Variants in PTPRT observed in about 807,000 individuals in gnomAD.
The protein encoded by PTPRT is receptor-type tyrosine-protein phosphatase T.
Under a neutral mutation model 176.8 loss-of-function variants are expected in PTPRT, and 56 were observed. That is an observed-to-expected ratio of 0.32 (90% CI 0.26 to 0.40). The LOEUF (loss-of-function observed/expected upper bound fraction) is 0.40, where lower values mean the gene tolerates loss of function less well. PTPRT is among the 10% of genes least tolerant of loss of function. The pLI is 1.00. For missense variants in PTPRT, 1,540 were observed against 1,908.2 expected (o/e 0.81, Z 3.60); for synonymous variants, 783 against 739.0 (o/e 1.06, Z -0.96).
chr20:42,904,594 T>C (rs1339650410), intron 1 of PTPRT, among the ~76,000 whole-genome samples: 1 of 152,112 alleles, frequency 6.6e-6, no homozygotes, highest in Admixed American at 6.5e-5. Context: ...GGCAGGGAAG[T>C]GCTGGGAAGA....
intron 7 of PTPRT, among the ~76,000 whole-genome samples, chr20:42,634,058 AT>A (rs2074528356): frequency 2.6e-5 from 1 of 38,036 alleles, no homozygotes; most frequent in Non-Finnish European, 3.9e-5. Flanking sequence ...TATATTATAA[AT>A]ATATAATATA....
chr20:42,680,919 C>A (rs189034373), intron 6 of PTPRT, among the ~76,000 whole-genome samples: 1 of 152,204 alleles, frequency 6.6e-6, no homozygotes, highest in Non-Finnish European at 1.5e-5. Flanking sequence ...ATTAGCCTCA[C>A]GGTTATCTCT....
At chr20:42,381,119 G>A (rs2058694854) in intron 9 of PTPRT, among the ~76,000 whole-genome samples, 1 of 152,182 alleles carries the variant, frequency 6.6e-6, no homozygotes, top group African/African-American at 2.4e-5. Context: ...CTGCCCCCAT[G>A]ATCCAATCAC....
At chr20:42,363,105 G>GAAAA (rs71193658) in intron 9 of PTPRT, among the ~76,000 whole-genome samples, 51 of 46,676 alleles carry the variant, frequency 1.1e-3, no homozygotes, top group South Asian at 1.5e-3. Flanking sequence ...CTCCATTTCA[G>GAAAA]AAAAAAAAAA....
At chr20:42,781,041 T>C (rs1385029309) in intron 3 of PTPRT, among the ~76,000 whole-genome samples, 2 of 152,122 alleles carry the variant, frequency 1.3e-5, no homozygotes, top group African/African-American at 4.8e-5. Context: ...CTTCTGGAAA[T>C]TGGAAATTCC....
the PTPRT span, among the ~76,000 whole-genome samples, chr20:42,040,080 T>C: frequency 4.6e-5 from 7 of 152,274 alleles, no homozygotes; most frequent in East Asian, 7.7e-4. Context: ...CCCTTTTTTT[T>C]CCCCACAGTC....
chr20:42,473,975 T>C (rs180750148), intron 7 of PTPRT, among the ~76,000 whole-genome samples: 17 of 152,274 alleles, frequency 1.1e-4, no homozygotes, highest in African/African-American at 4.1e-4. Flanking sequence ...TGTAAAATGA[T>C]GATAATAATA....
At chr20:42,161,087 G>C (rs777092908) in intron 17 of PTPRT, among the ~76,000 whole-genome samples, 15 of 152,058 alleles carry the variant, frequency 9.9e-5, no homozygotes, top group Non-Finnish European at 2.1e-4. Flanking sequence ...GAAGGGGAGA[G>C]AAACAAGAGT....
chr20:42,890,293 T>G (rs2079170989), intron 1 of PTPRT, among the ~76,000 whole-genome samples: 2 of 152,176 alleles, frequency 1.3e-5, no homozygotes, highest in African/African-American at 4.8e-5. Flanking sequence ...GCAACTTTTA[T>G]GAGTTTTCTG....
chr20:42,808,276 T>A (rs1466192937), intron 2 of PTPRT, among the ~76,000 whole-genome samples: 1 of 152,170 alleles, frequency 6.6e-6, no homozygotes, highest in African/African-American at 2.4e-5. Flanking sequence ...AACACTCATC[T>A]CCATCTCTGA....
At chr20:43,021,479 G>T (rs1985678109) in intron 1 of PTPRT, among the ~76,000 whole-genome samples, 1 of 152,226 alleles carries the variant, frequency 6.6e-6, no homozygotes, top group African/African-American at 2.4e-5. Context: ...CGTGAACTCA[G>T]TTGGATGGGG....
intron 11 of PTPRT, among the ~76,000 whole-genome samples, chr20:42,319,402 T>C (rs2145392218): frequency 6.6e-6 from 1 of 152,054 alleles, no homozygotes; most frequent in East Asian, 1.9e-4. Flanking sequence ...TTACAAAGAA[T>C]AGCAAAGGGT....
At chr20:42,723,503 G>A (rs1360422072) in intron 6 of PTPRT, among the ~76,000 whole-genome samples, 1 of 152,118 alleles carries the variant, frequency 6.6e-6, no homozygotes, top group East Asian at 1.9e-4. Context: ...GTAGCAATGC[G>A]GGCACCTGCC....
intron 1 of PTPRT, among the ~76,000 whole-genome samples, chr20:43,155,018 T>C (rs1568816640): frequency 6.6e-6 from 1 of 152,130 alleles, no homozygotes; most frequent in Non-Finnish European, 1.5e-5. Context: ...CTCACTCCGT[T>C]AGAATGGCTT....
intron 7 of PTPRT, among the ~76,000 whole-genome samples, chr20:42,640,287 T>C (rs192701735): frequency 6.6e-6 from 1 of 152,306 alleles, no homozygotes; most frequent in East Asian, 1.9e-4. Context: ...CTATACATTT[T>C]TGCTTACATT....
At chr20:42,808,280 T>A (rs2077642841) in intron 2 of PTPRT, among the ~76,000 whole-genome samples, 2 of 152,166 alleles carry the variant, frequency 1.3e-5, no homozygotes, top group Non-Finnish European at 1.5e-5. Context: ...CTCATCTCCA[T>A]CTCTGATTCT....
chr20:42,851,404 C>A (rs1478554767), intron 2 of PTPRT, among the ~76,000 whole-genome samples: 1 of 152,196 alleles, frequency 6.6e-6, no homozygotes, highest in Non-Finnish European at 1.5e-5. Flanking sequence ...TCTTACTCAA[C>A]TCTAATCATC....
chr20:42,853,619 G>T (rs776453674), intron 2 of PTPRT, among the ~76,000 whole-genome samples: 2 of 152,178 alleles, frequency 1.3e-5, no homozygotes, highest in African/African-American at 2.4e-5. Context: ...GTGCTCGAAC[G>T]ATTGGATTAA....
At chr20:42,889,940 T>A (rs2079164703) in intron 1 of PTPRT, among the ~76,000 whole-genome samples, 1 of 152,142 alleles carries the variant, frequency 6.6e-6, no homozygotes, top group Admixed American at 6.5e-5. Flanking sequence ...CAAAACCTGG[T>A]AAGGTACTGG....
Sources: allele counts gnomAD v4.1 joint callset (sites outside exome capture counted in the v4.1 genomes callset), GRCh38; gene constraint gnomAD v4.1.1; transcripts MANE v1.5; gene names NCBI Gene and HGNC (gene_info 2026-07-23, HGNC 2026-07-21).